The following ABCA5 variants were observed in gnomAD, a reference collection of about 807,000 sequenced individuals.
ABCA5 encodes ATP binding cassette subfamily A member 5.
In ABCA5, 163 loss-of-function variants were observed where a neutral mutation model predicts 206.0. That is an observed-to-expected ratio of 0.79 (90% CI 0.70 to 0.90). ABCA5 has a LOEUF of 0.90. Among genes scored for constraint, ABCA5 ranks in the 40% least tolerant of loss-of-function variants. The pLI is 0.00. For synonymous variants in ABCA5, 609 were observed against 613.8 expected (o/e 0.99, Z 0.11); for missense variants, 1,859 against 1,912.9 (o/e 0.97, Z 0.53).
intron 38 of ABCA5, 57 bp downstream of exon 38, chr17:69,248,201 ACAAT>A: frequency 7.8e-6 from 8 of 1,022,348 alleles, no homozygotes; most frequent in Non-Finnish European, 1.2e-5. Context: ...ATAAACCAAA[ACAAT>A]CGATATCAGA....
chr17:69,297,208 T>C lies in ABCA5; in HGVS notation c.1419A>G (p.Val473=), dbSNP rs2075593492. Residue 473 remains valine, a synonymous_variant, in exon 10 of 39, where the codon GTA becomes GTG. Coordinates refer to ENST00000392676, the MANE Select transcript of ABCA5 (RefSeq NM_172232.4). ...EIIEPVSSEF[V]GKEAIRISGI... is the part of the protein sequence containing the mutation. ...AACCATACCTTATGGCTTCTTTTCCTACAAATTCTGAAGAAACTGGCTCAA... is the reference window on the plus strand; with the variant it reads ...AACCATACCTTATGGCTTCTTTTCCCACAAATTCTGAAGAAACTGGCTCAA... 1 of 1,611,670 alleles carries C rather than the reference T, an allele frequency of 6.2e-7. No homozygotes were observed. The highest frequency in any genetic ancestry group is 8.5e-7 in the Non-Finnish European group (1 of 1,179,416).
chr17:69,295,244 T>C (rs548502325), intron 10 of ABCA5, among the ~76,000 whole-genome samples: 1 of 152,300 alleles, frequency 6.6e-6, no homozygotes, highest in Non-Finnish European at 1.5e-5. Context: ...CAATCTATGG[T>C]ACATACAAGC....
intron 1 of ABCA5, among the ~76,000 whole-genome samples, chr17:69,321,055 CCT>C (rs2075861281): frequency 1.3e-5 from 2 of 152,156 alleles, no homozygotes; most frequent in African/African-American, 4.8e-5. Flanking sequence ...CACAAAGGCC[CCT>C]CTCTTCACCA....
At chr17:69,307,005 C>T (rs1287365632) in intron 5 of ABCA5, 51 bp from the exon 6 acceptor site, 1 of 1,331,498 alleles carries the variant, frequency 7.5e-7, no homozygotes, top group South Asian at 1.8e-5. Flanking sequence ...ATGATAGCAG[C>T]CCCTAGTAAA....
chr17:69,311,076 C>T (rs758450642), intron 3 of ABCA5, among the ~76,000 whole-genome samples: 1 of 152,076 alleles, frequency 6.6e-6, no homozygotes, highest in African/African-American at 2.4e-5. Context: ...CACCTGTAGT[C>T]CCAGCTACTC....
At position 69,301,300 on chromosome 17, in the gene ABCA5, A is replaced by T; in HGVS notation, c.1120-14T>A. On this transcript the variant is annotated splice_polypyrimidine_tract_variant and intron_variant, in intron 8 of 38. Coordinates refer to ENST00000392676, the MANE Select transcript of ABCA5 (RefSeq NM_172232.4). ...TAAATGCATGACCTGAAAAATACAAACACTAACTTTATTACATAAAAATGA... is the reference window on the plus strand; with the variant it reads ...TAAATGCATGACCTGAAAAATACAATCACTAACTTTATTACATAAAAATGA... 1 of 1,581,104 alleles carries T rather than the reference A, an allele frequency of 6.3e-7. No individual in the cohort carries two copies. The highest frequency in any genetic ancestry group is 1.2e-5 in the South Asian group (1 of 84,908).
chr17:69,258,991 A>G (rs1250155387), intron 28 of ABCA5, among the ~76,000 whole-genome samples: 1 of 152,084 alleles, frequency 6.6e-6, no homozygotes, highest in Non-Finnish European at 1.5e-5. Context: ...ATAGAACCCT[A>G]AAACATTCCT....
rs752014389 is a variant in ABCA5 at position 69,260,378 on chromosome 17, G to T, written c.3599C>A (p.Thr1200Asn). The change falls in exon 27 of 39, where the codon ACC becomes AAC. Residue 1200 changes from threonine to asparagine, a missense_variant. By Grantham distance (65) the Thr-to-Asn change is moderately conservative. Coordinates refer to ENST00000392676, the MANE Select transcript of ABCA5 (RefSeq NM_172232.4). The part of the protein sequence containing the change: ...SWKNVRKNVD[T>N]YNPWDRLSVA... ...TGAAAGCCTATCCCATGGATTATAG[G>T]TGTCCACATTTTTTCGTACATTCTT... The T allele has an allele frequency of 6.2e-7, 1 of 1,608,660 alleles. No individual in the cohort carries two copies.
intron 38 of ABCA5, 27 bp from the exon 39 acceptor site, chr17:69,247,671 A>T (rs746548135): frequency 2.2e-6 from 3 of 1,391,854 alleles, no homozygotes; most frequent in South Asian, 2.4e-5. Flanking sequence ...AAATGAATAC[A>T]GTATGCTGTA....
chr17:69,296,188 T>C (rs1394879707), intron 10 of ABCA5, among the ~76,000 whole-genome samples: 1 of 152,194 alleles, frequency 6.6e-6, no homozygotes, highest in Non-Finnish European at 1.5e-5. Context: ...TTTCTTATTC[T>C]ACCTTATTTT....
At chr17:69,268,910 A>G (rs1223469007) in intron 22 of ABCA5, 1 of 152,228 alleles carries the variant, frequency 6.6e-6, no homozygotes, top group African/African-American at 2.4e-5. Context: ...ATGACATTGC[A>G]GAATTTGTCT....
At chr17:69,257,770 A>G (rs912808825) in intron 28 of ABCA5, among the ~76,000 whole-genome samples, 3 of 152,088 alleles carry the variant, frequency 2.0e-5, no homozygotes, top group Non-Finnish European at 4.4e-5. Flanking sequence ...AAAAAGAGAA[A>G]AAATACACTT....
chr17:69,314,362 T>G lies in ABCA5; in HGVS notation c.54A>C (p.Leu18=). 6.2e-7 allele frequency: 1 copy of G among 1,613,936 alleles called. No individual in the cohort carries two copies. Among genetic ancestry groups the G allele is most frequent in the Non-Finnish European group, 8.5e-7 (1 of 1,179,814 alleles). Residue 18 remains leucine, a synonymous_variant, in exon 2 of 39, where the codon CTA becomes CTC. Transcript: ENST00000392676. ...TGCATTTAATTAAGTAATTCTTCAGTAGAAGTGTTCTGGTCTGTCTCCAAA... is the reference window on the plus strand; with the variant it reads ...TGCATTTAATTAAGTAATTCTTCAGGAGAAGTGTTCTGGTCTGTCTCCAAA... The part of the protein sequence containing the change: ...VGVWRQTRTL[L]LKNYLIKCRT...
chr17:69,280,402 A>G (rs376533121), intron 18 of ABCA5, among the ~76,000 whole-genome samples: 14 of 149,356 alleles, frequency 9.4e-5, no homozygotes, highest in African/African-American at 2.7e-4. Flanking sequence ...TGGAGAGGAT[A>G]TGGAGAAACA....
rs941790855 is a variant in ABCA5 at position 69,261,118 on chromosome 17, G to T, written c.3564+7C>A. 8 of 1,537,092 alleles carry T rather than the reference G, an allele frequency of 5.2e-6. No individual in the cohort carries two copies. In the African/African-American group the frequency reaches 9.7e-5, roughly 19 times the overall value. ...TTTTAACATATTAAAATATTTAGCA[G>T]AATTACCTTTATGAAAGAAATCAGG... On this transcript the variant is annotated splice_region_variant and intron_variant, in intron 26 of 38. Transcript: ENST00000392676.
At chr17:69,303,002 T>C in intron 7 of ABCA5, 96 bp from the exon 8 acceptor site, 2 of 586,496 alleles carry the variant, frequency 3.4e-6, no homozygotes, top group East Asian at 3.4e-5. Context: ...GCTATTTTCA[T>C]GAAAAATGCA....
intron 20 of ABCA5, among the ~76,000 whole-genome samples, chr17:69,271,916 T>C (rs2075277750): frequency 6.6e-6 from 1 of 152,164 alleles, no homozygotes; most frequent in African/African-American, 2.4e-5. Flanking sequence ...TTCTCTAAAG[T>C]ACCTGGAGCC....
chr17:69,312,522 G>C (rs1437349506), intron 3 of ABCA5, among the ~76,000 whole-genome samples: 1 of 152,198 alleles, frequency 6.6e-6, no homozygotes, highest in East Asian at 1.9e-4. Flanking sequence ...AGCATGGTAA[G>C]CTGAAAAGGT....
At chr17:69,270,407 C>T (rs1157903221) in intron 22 of ABCA5, among the ~76,000 whole-genome samples, 2 of 151,794 alleles carry the variant, frequency 1.3e-5, no homozygotes, top group Non-Finnish European at 2.9e-5. Flanking sequence ...ATATTAATAC[C>T]AAAACAGAAT....
Sources: gnomAD v4.1 joint callset for allele counts (sites outside exome capture counted in the v4.1 genomes callset) on GRCh38, gnomAD v4.1.1 for gene constraint, MANE v1.5 for transcripts, NCBI Gene and HGNC (gene_info 2026-07-23, HGNC 2026-07-21) for gene names.